The following PCDHGB3 variants were observed in gnomAD, a reference collection of about 807,000 sequenced individuals.
The protein encoded by PCDHGB3 is protocadherin gamma subfamily B, 3.
In PCDHGB3, 40 loss-of-function variants were observed where a neutral mutation model predicts 59.2. The ratio of observed to expected loss-of-function variants is 0.68; its 90% CI spans 0.52 to 0.88. The LOEUF (loss-of-function observed/expected upper bound fraction) is 0.88. PCDHGB3 is among the 40% of genes least tolerant of loss of function. PCDHGB3 has a pLI of 0.00. For synonymous variants in PCDHGB3, 581 were observed against 503.6 expected (o/e 1.15, Z -2.06); for missense variants, 1,309 against 1,187.9 (o/e 1.10, Z -1.50).
At chr5:141,446,718 C>G (rs1279970040) in intron 1 of PCDHGB3, among the ~76,000 whole-genome samples, 1 of 152,174 alleles carries the variant, frequency 6.6e-6, no homozygotes, top group Non-Finnish European at 1.5e-5. Flanking sequence ...CTGCCCGCCT[C>G]GGCCTCCCAA....
intron 1 of PCDHGB3, among the ~76,000 whole-genome samples, chr5:141,453,827 C>T (rs2098775483): frequency 6.6e-6 from 1 of 152,320 alleles, no homozygotes; most frequent in South Asian, 2.1e-4. Flanking sequence ...AACTTGGCTG[C>T]TAGCCCTTCA....
At chr5:141,450,014 T>A (rs867473620) in intron 1 of PCDHGB3, among the ~76,000 whole-genome samples, 7,114 of 149,588 alleles carry the variant, frequency 0.048, 422 homozygotes, top group African/African-American at 0.13. Context: ...CTCTTTTTTT[T>A]TTTTTTTTTT....
At chr5:141,376,598 T>C (rs1266574901) in intron 1 of PCDHGB3, 35 of 1,542,956 alleles carry the variant, frequency 2.3e-5, no homozygotes, top group Admixed American at 1.7e-4. Context: ...TCGGCTGTTA[T>C]AGAAGCGAAC....
chr5:141,487,889 T>C lies in PCDHGB3; in HGVS notation c.2416-6918T>C, dbSNP rs984668596. On this transcript the variant is annotated intron_variant, in intron 1 of 3. Transcript: ENST00000576222. The surrounding 1 kb of genome is among the most constrained non-coding windows in gnomAD (Gnocchi z 5.0). ...CAAGAGCCAGGCTGTTGTGGAAGCA[T>C]GATGATGGAATGTGGGAGCACAGGA... 6.7e-6 allele frequency: 5 copies of C among 747,180 alleles called. No homozygotes were observed. The highest frequency in any genetic ancestry group is 1.1e-5 in the Non-Finnish European group (5 of 464,054). The allele number at this position is 747,180 out of a possible 1,614,324, so 46.3% of individuals were successfully genotyped here. A position where few individuals can be genotyped will look rare whatever the true frequency, so the allele number is the denominator to read the frequency against.
chr5:141,467,084 A>T, intron 1 of PCDHGB3, among the ~76,000 whole-genome samples: 1 of 142,674 alleles, frequency 7.0e-6, no homozygotes, highest in African/African-American at 2.6e-5. Context: ...ACCAAGTCTC[A>T]CTCTGTCACA....
chr5:141,375,601 CAT>C, intron 1 of PCDHGB3: 4 of 1,614,206 alleles, frequency 2.5e-6, no homozygotes, highest in Non-Finnish European at 3.4e-6. Context: ...CCTACGTGTC[CAT>C]CAACTCCGAC....
rs549047197 is a variant in PCDHGB3, at chr5:141,502,866, C to CTTTTTTTTTTTTTTT, written c.2475-2513_2475-2512insTTTTTTTTTTTTTTT. Reference sequence around the variant, plus strand: ...GAGCTGCCTAACCCTGACTCTCTGTCTTTTTTTTTTTTTTGACAGGGAGTC... The same window carrying CTTTTTTTTTTTTTTT: ...GAGCTGCCTAACCCTGACTCTCTGTCTTTTTTTTTTTTTTTTTTTTTTTTTTTTTGACAGGGAGTC... On this transcript the variant is annotated intron_variant, in intron 2 of 3. Coordinates refer to ENST00000576222, the MANE Select transcript of PCDHGB3 (RefSeq NM_018924.5). 1.1e-4 allele frequency among the ~76,000 whole-genome samples: 14 copies of CTTTTTTTTTTTTTTT among 128,026 alleles called. 3 individuals are homozygous for CTTTTTTTTTTTTTTT. Among genetic ancestry groups the CTTTTTTTTTTTTTTT allele is most frequent in the Admixed American group, 1.7e-4 (2 of 11,664 alleles). The allele number at this position is 128,026 out of a possible 152,430, so 84.0% of individuals were successfully genotyped here.
Position 141,393,720 on chromosome 5 carries a change from A to T in PCDHGB3, c.2415+20911A>T, listed in dbSNP as rs371093729. ...TAATGAAAATACTGGGGAAATATCA[A>T]TAGCAAAAAGTCTAGATTATGAAGA... On this transcript the variant is annotated intron_variant, in intron 1 of 3. Transcript: ENST00000576222. 5.0e-6 allele frequency: 8 copies of T among 1,613,888 alleles called. No homozygotes were observed. The South Asian group carries it at 8.8e-5, about 18-fold the overall frequency.
rs367698678 is a variant in PCDHGB3 at position 141,374,080 on chromosome 5, A to G, written c.2415+1271A>G. The G allele has an allele frequency of 6.6e-6, 10 of 1,519,950 alleles. No individual in the cohort carries two copies. In the African/African-American group the frequency reaches 1.4e-4, roughly 21 times the overall value. 94.2% of individuals were successfully genotyped at this position (1,519,950 alleles called of 1,614,324 possible). A position where few individuals can be genotyped will look rare whatever the true frequency, so the allele number is the denominator to read the frequency against. On this transcript the variant is annotated intron_variant, in intron 1 of 3. Coordinates refer to ENST00000576222, the MANE Select transcript of PCDHGB3 (RefSeq NM_018924.5). The stretch of plus-strand genomic sequence containing the variant: ...ATCCCAGAGAAGTTCCTAATAAGCC[A>G]GTAATGGCGCCTCCGCAGAGGCATC...
At chr5:141,426,850 C>T in intron 1 of PCDHGB3, 1 of 456,734 alleles carries the variant, frequency 2.2e-6, no homozygotes. Context: ...GGCAAGAACG[C>T]TCCAGAATTA....
At chr5:141,389,861 C>T in intron 1 of PCDHGB3, 1 of 1,614,062 alleles carries the variant, frequency 6.2e-7, no homozygotes, top group South Asian at 1.1e-5. Context: ...CCACGTTGCA[C>T]CTGGTCTTCG....
intron 2 of PCDHGB3, among the ~76,000 whole-genome samples, chr5:141,499,301 TC>T (rs771049830): frequency 6.6e-6 from 1 of 152,166 alleles, no homozygotes; most frequent in Non-Finnish European, 1.5e-5. Context: ...CTACCATCCC[TC>T]CTCTGAGAGA....
chr5:141,395,547 TGTGTGTGTG>T (rs754815609), intron 1 of PCDHGB3: 25,854 of 174,180 alleles, frequency 0.15, 2,316 homozygotes, highest in South Asian at 0.18. Flanking sequence ...ATTGTTTGTG[TGTGTGTGTG>T]TGTGTGTGTG....
chr5:141,478,121 G>T lies in PCDHGB3; in HGVS notation c.2416-16686G>T. On this transcript the variant is annotated intron_variant, in intron 1 of 3. Coordinates refer to ENST00000576222, the MANE Select transcript of PCDHGB3 (RefSeq NM_018924.5). ...TACCCTCACTGTGTCAGTAACCGAG[G>T]ACTCTCCTGAAGCCCGAGCCGAGTT... 2.5e-6 allele frequency: 4 copies of T among 1,614,036 alleles called. No individual in the cohort carries two copies. In the African/African-American group the frequency reaches 4.0e-5, roughly 16 times the overall value.
rs370237298 is a variant in PCDHGB3 at position 141,487,298 on chromosome 5, G to A, written c.2416-7509G>A. ...TTGCTTTGTCTCCTTTGGCTCATTCGTGGCACTACTCTCTAAGTGTCTTCG... is the reference window on the plus strand; with the variant it reads ...TTGCTTTGTCTCCTTTGGCTCATTCATGGCACTACTCTCTAAGTGTCTTCG... On this transcript the variant is annotated intron_variant, in intron 1 of 3. Coordinates refer to ENST00000576222, the MANE Select transcript of PCDHGB3 (RefSeq NM_018924.5). The surrounding 1 kb of genome is among the most constrained non-coding windows in gnomAD (Gnocchi z 5.0). The A allele has an allele frequency of 3.2e-5, 51 of 1,614,072 alleles. 1 individual carries two copies. Among genetic ancestry groups the A allele is most frequent in the South Asian group, 5.5e-5 (5 of 91,082 alleles).
chr5:141,427,377 A>C, intron 1 of PCDHGB3: 1 of 458,500 alleles, frequency 2.2e-6, no homozygotes, highest in Non-Finnish European at 4.4e-6. Flanking sequence ...GACGGTGATC[A>C]CTCTGTTCAA....
At chr5:141,383,373 G>A (rs759862188) in intron 1 of PCDHGB3, 2 of 1,614,030 alleles carry the variant, frequency 1.2e-6, no homozygotes, top group South Asian at 2.2e-5. Flanking sequence ...GCGAGGCTGG[G>A]GATCCAGATG....
At chr5:141,505,044 C>G (rs1446394128) in intron 2 of PCDHGB3, among the ~76,000 whole-genome samples, 3 of 152,156 alleles carry the variant, frequency 2.0e-5, no homozygotes, top group African/African-American at 7.2e-5. Context: ...TGCCTGTCAT[C>G]CCAGCTACTT....
chr5:141,500,839 G>A (rs2099802871), intron 2 of PCDHGB3, among the ~76,000 whole-genome samples: 1 of 151,906 alleles, frequency 6.6e-6, no homozygotes, highest in African/African-American at 2.4e-5. Flanking sequence ...ATGCTAATGG[G>A]CTTTTGCTAC....
Sources: gnomAD v4.1 joint callset for allele counts (sites outside exome capture counted in the v4.1 genomes callset) on GRCh38, gnomAD v4.1.1 for gene constraint, Gnocchi (gnomAD v3.1) non-coding constraint, MANE v1.5 for transcripts, NCBI Gene and HGNC (gene_info 2026-07-23, HGNC 2026-07-21) for gene names.